Variants in LRP2 observed in about 807,000 individuals in gnomAD.
LRP2 encodes LDL receptor related protein 2.
In LRP2, 172 loss-of-function variants were observed where a neutral mutation model predicts 531.0. That is an observed-to-expected ratio of 0.32 (90% confidence interval 0.29 to 0.37). The LOEUF (loss-of-function observed/expected upper bound fraction) is 0.37, where lower values mean the gene tolerates loss of function less well. Among genes scored for constraint, LRP2 ranks in the 10% least tolerant of loss-of-function variants. The probability of loss-of-function intolerance (pLI) is 1.00; values close to 1 mark genes in which losing one functional copy is unlikely to be tolerated. For synonymous variants in LRP2, 1,992 were observed against 2,027.6 expected (o/e 0.98, Z 0.47); for missense variants, 5,167 against 5,868.3 (o/e 0.88, Z 3.90).
chr2:169,336,413 A>G (rs988542329), intron 1 of LRP2, among the ~76,000 whole-genome samples: 1 of 151,876 alleles, frequency 6.6e-6, no homozygotes, highest in African/African-American at 2.4e-5. Flanking sequence ...GGTGGCATGC[A>G]CCTGTAATCC....
In LRP2 at chr2:169,170,585, G is replaced by T; in HGVS notation, c.11346C>A (p.Asn3782Lys). 2 of 1,614,086 alleles carry T rather than the reference G, an allele frequency of 1.2e-6. No homozygotes were observed. Among genetic ancestry groups the T allele is most frequent in the Non-Finnish European group, 1.7e-6 (2 of 1,179,966 alleles). ...GTTCATCTGAGTTGTCCCCACAGTC[G>T]TTGTAATGGTCACAGATCCATCGCG... ...IPSRWICDHY[N>K]DCGDNSDERD... Residue 3782 changes from asparagine to lysine, a missense_variant, in exon 59 of 79, where the codon AAC becomes AAA. Asn to Lys is a moderately conservative substitution (Grantham distance 94). Around this residue, in one of 6 missense-constraint regions of LRP2, gnomAD observed 564 missense variants for 747.7 expected, o/e 0.75. Transcript: ENST00000649046.
chr2:169,361,375 T>TCC (rs71957992), intron 1 of LRP2, among the ~76,000 whole-genome samples: 1 of 65,782 alleles, frequency 1.5e-5, no homozygotes, highest in Non-Finnish European at 2.8e-5. Flanking sequence ...TCTCTCTCTC[T>TCC]CCCTCTCTCT....
At chr2:169,199,191 CT>C (rs1348659455) in intron 44 of LRP2, among the ~76,000 whole-genome samples, 1 of 152,124 alleles carries the variant, frequency 6.6e-6, no homozygotes, top group Non-Finnish European at 1.5e-5. Context: ...AGAGTTCCAA[CT>C]CTTGGTAAAA....
intron 23 of LRP2, 37 bp downstream of exon 23, chr2:169,243,366 T>C (rs377560170): frequency 6.4e-5 from 104 of 1,612,508 alleles, no homozygotes; most frequent in Non-Finnish European, 8.1e-5. Context: ...TTTTTCTAAA[T>C]AAACATTGTG....
At chr2:169,289,225 G>A (rs1683938992) in intron 8 of LRP2, 80 bp from the exon 9 acceptor site, 1 of 1,548,944 alleles carries the variant, frequency 6.5e-7, no homozygotes, top group Non-Finnish European at 8.9e-7. Context: ...CTTTTTCCAT[G>A]AGTAGCAGCT....
At chr2:169,326,919 G>A (rs1163581075) in intron 1 of LRP2, among the ~76,000 whole-genome samples, 1 of 151,568 alleles carries the variant, frequency 6.6e-6, no homozygotes, top group African/African-American at 2.4e-5. Flanking sequence ...CCCCGTCTGG[G>A]AGGTGAGGAG....
intron 40 of LRP2, 98 bp from the exon 41 acceptor site, chr2:169,205,735 G>A (rs1417649601): frequency 7.4e-6 from 9 of 1,223,764 alleles, no homozygotes; most frequent in Non-Finnish European, 9.5e-6. Context: ...CAAATTGCCA[G>A]TAACATGGCA....
At chr2:169,344,855 C>T (rs1221926050) in intron 1 of LRP2, among the ~76,000 whole-genome samples, 1 of 152,006 alleles carries the variant, frequency 6.6e-6, no homozygotes, top group Non-Finnish European at 1.5e-5. Context: ...TCCTTAAAAC[C>T]ATATATTAAA....
In LRP2 at chr2:169,294,247, G is replaced by T; in HGVS notation, c.553C>A (p.His185Asn). The T allele has an allele frequency of 6.2e-7, 1 of 1,604,494 alleles. No individual in the cohort carries two copies. Among genetic ancestry groups the T allele is most frequent in the Non-Finnish European group, 8.5e-7 (1 of 1,171,310 alleles). The change falls in exon 6 of 79, where the codon CAC becomes AAC. Residue 185 changes from histidine to asparagine, a missense_variant. By Grantham distance (68) the His-to-Asn change is moderately conservative. Coordinates refer to ENST00000649046, the MANE Select transcript of LRP2 (RefSeq NM_004525.3). ...DEINCTEICL[H>N]NEFSCGNGEC... ...CCATTGCCACATGAAAACTCATTGT[G>T]CAAGCATATCTCAGCTGCAACAGAA...
intron 68 of LRP2, among the ~76,000 whole-genome samples, chr2:169,147,505 G>A (rs994096231): frequency 5.9e-5 from 9 of 152,050 alleles, no homozygotes; most frequent in Non-Finnish European, 7.4e-5. Context: ...TAGTAGAGAC[G>A]TGGTTTGACC....
chr2:169,310,263 G>A (rs1684555371), intron 3 of LRP2, among the ~76,000 whole-genome samples: 1 of 151,686 alleles, frequency 6.6e-6, no homozygotes, highest in Non-Finnish European at 1.5e-5. Context: ...ACACTATGTT[G>A]AATAAGAGTG....
rs13417389 is a variant in LRP2 at position 169,207,273 on chromosome 2, T to C, written c.6470-23A>G. 319,741 of 1,534,646 alleles carry C rather than the reference T, an allele frequency of 0.21. 35,337 individuals carry two copies. The highest frequency in any genetic ancestry group is 0.33 in the East Asian group (14,846 of 44,448). On this transcript the variant is annotated intron_variant, in intron 38 of 78. Transcript: ENST00000649046. ...TTCCTATGGGAAAAATGAAAGTGCA[T>C]GCTGATCAATGGAGAACCAAGAAGA...
chr2:169,145,027 C>T (rs142837665), intron 70 of LRP2, among the ~76,000 whole-genome samples: 9 of 152,272 alleles, frequency 5.9e-5, no homozygotes, highest in South Asian at 2.1e-4. Context: ...AAATCTGTCT[C>T]GGCCTCAGTT....
intron 67 of LRP2, among the ~76,000 whole-genome samples, chr2:169,152,204 C>T (rs531286815): frequency 6.6e-6 from 1 of 152,312 alleles, no homozygotes; most frequent in African/African-American, 2.4e-5. Context: ...GCTCTGGTCC[C>T]TGGGCCACTA....
chr2:169,139,333 C>T lies in LRP2; in HGVS notation c.13306G>A (p.Val4436Ile), dbSNP rs750736741. ...CCTGCAATTGCCAGAGCTCCAATTACGACGATCAAGAGGATTGTCAACAGC... is the reference window on the plus strand; with the variant it reads ...CCTGCAATTGCCAGAGCTCCAATTATGACGATCAAGAGGATTGTCAACAGC... ...AVLLTILLIVVIGALAIAGFF... is the reference protein window; with the variant it reads ...AVLLTILLIVIIGALAIAGFF... Residue 4436 changes from valine to isoleucine, a missense_variant, in exon 74 of 79, where the codon GTA becomes ATA. Physicochemically the swap from Val to Ile is conservative, Grantham distance 29 (BLOSUM62 3). Coordinates refer to ENST00000649046, the MANE Select transcript of LRP2 (RefSeq NM_004525.3). 2.0e-5 allele frequency: 33 copies of T among 1,614,000 alleles called. No individual in the cohort carries two copies. The highest frequency in any genetic ancestry group is 4.0e-5 in the African/African-American group (3 of 74,908).
intron 14 of LRP2, among the ~76,000 whole-genome samples, chr2:169,273,723 A>G (rs1683482017): frequency 6.6e-6 from 1 of 152,128 alleles, no homozygotes; most frequent in Admixed American, 6.6e-5. Context: ...TGCTTTCAAA[A>G]TTGTCTTTTT....
chr2:169,310,377 T>C (rs1684558743), intron 3 of LRP2, among the ~76,000 whole-genome samples: 1 of 152,182 alleles, frequency 6.6e-6, no homozygotes, highest in South Asian at 2.1e-4. Flanking sequence ...TACGTCCCAT[T>C]GATACCTAAT....
At chr2:169,339,968 A>G (rs1435243407) in intron 1 of LRP2, among the ~76,000 whole-genome samples, 1 of 152,204 alleles carries the variant, frequency 6.6e-6, no homozygotes, top group Non-Finnish European at 1.5e-5. Flanking sequence ...GGATACATCT[A>G]TATGGTATGC....
At position 169,152,118 on chromosome 2, in the gene LRP2, C is replaced by A. The variant is rs528678521; in HGVS notation, c.12461+681G>T. Among the ~76,000 whole-genome samples, 6 of 152,334 alleles carry A rather than the reference C, an allele frequency of 3.9e-5. No homozygotes were observed. In the South Asian group the frequency reaches 1.2e-3, roughly 32 times the overall value. On this transcript the variant is annotated intron_variant, in intron 67 of 78. Coordinates refer to ENST00000649046, the MANE Select transcript of LRP2 (RefSeq NM_004525.3). The stretch of plus-strand genomic sequence containing the variant: ...AAGAATGAGCTTACTAACTTCTCCA[C>A]ATCCATTTGTACCTCACACACCTAC...
Sources: allele counts gnomAD v4.1 joint callset (sites outside exome capture counted in the v4.1 genomes callset), GRCh38; gene constraint gnomAD v4.1.1; regional missense constraint gnomAD v4.1.1; transcripts MANE v1.5; gene names NCBI Gene and HGNC (gene_info 2026-07-23, HGNC 2026-07-21).